PATJ: variants seen among roughly 807,000 people sequenced by gnomAD.
PATJ encodes inaD-like protein.
Under a neutral mutation model 224.9 loss-of-function variants are expected in PATJ, and 190 were observed. The observed-to-expected ratio is 0.84, with a 90% CI of 0.75 to 0.95. The LOEUF is 0.95. PATJ is among the 40% of genes least tolerant of loss of function. The pLI is 0.00. For missense variants in PATJ, 2,121 were observed against 2,270.3 expected (o/e 0.93, Z 1.34); for synonymous variants, 769 against 820.3 (o/e 0.94, Z 1.07).
At chr1:61,923,974 GC>G (rs1194802203) in intron 26 of PATJ, among the ~76,000 whole-genome samples, 1 of 150,748 alleles carries the variant, frequency 6.6e-6, no homozygotes, top group East Asian at 1.9e-4. Flanking sequence ...AAACTAATGA[GC>G]AGATCTTGAA....
intron 27 of PATJ, among the ~76,000 whole-genome samples, chr1:61,934,279 C>T (rs570001388): frequency 1.0e-3 from 155 of 152,216 alleles, no homozygotes; most frequent in African/African-American, 3.3e-3. Flanking sequence ...CCACCACGCC[C>T]GGCTAATTTT....
At chr1:62,034,727 T>G (rs1650033304) in intron 29 of PATJ, among the ~76,000 whole-genome samples, 2 of 152,312 alleles carry the variant, frequency 1.3e-5, no homozygotes, top group South Asian at 4.1e-4. Context: ...GCTTTCTTCT[T>G]TTCAGTGAGA....
At chr1:61,984,499 A>AT (rs1253181761) in intron 27 of PATJ, among the ~76,000 whole-genome samples, 1 of 151,796 alleles carries the variant, frequency 6.6e-6, no homozygotes, top group Non-Finnish European at 1.5e-5. Flanking sequence ...CAGGGTTGGG[A>AT]TTTTTTTGCT....
intron 20 of PATJ, among the ~76,000 whole-genome samples, chr1:61,873,835 G>A (rs1438214640): frequency 1.3e-5 from 2 of 152,228 alleles, no homozygotes; most frequent in African/African-American, 4.8e-5. Flanking sequence ...GGGGAATGGG[G>A]TGGAGCCACC....
At chr1:62,135,128 G>A (rs751107266) in intron 41 of PATJ, among the ~76,000 whole-genome samples, 48 of 152,196 alleles carry the variant, frequency 3.2e-4, no homozygotes, top group Non-Finnish European at 5.6e-4. Context: ...CTGGGATATG[G>A]CATGGACATC....
chr1:61,856,590 T>TTAC (rs1663703968), intron 18 of PATJ, among the ~76,000 whole-genome samples: 1 of 152,160 alleles, frequency 6.6e-6, no homozygotes, highest in Non-Finnish European at 1.5e-5. Context: ...GTGTAAATTA[T>TTAC]TATTATTATT....
chr1:61,795,608 T>A (rs777711487), intron 10 of PATJ, 50 bp downstream of exon 10: 2 of 1,104,190 alleles, frequency 1.8e-6, no homozygotes, highest in Admixed American at 3.6e-5. Flanking sequence ...AAAAAAAGGT[T>A]GATCATTATT....
intron 9 of PATJ, among the ~76,000 whole-genome samples, chr1:61,795,099 T>TAAA (rs78496504): frequency 8.4e-4 from 85 of 101,030 alleles, no homozygotes; most frequent in African/African-American, 1.3e-3. Context: ...ATAGTGATGG[T>TAAA]AAAAAAAAAA....
chr1:62,134,761 G>T (rs960633288), intron 41 of PATJ, among the ~76,000 whole-genome samples: 4 of 152,188 alleles, frequency 2.6e-5, no homozygotes, highest in African/African-American at 9.7e-5. Context: ...GGAGAAATCT[G>T]TGTCTGTGCC....
At chr1:61,862,831 G>C (rs896603194) in intron 19 of PATJ, among the ~76,000 whole-genome samples, 1 of 151,790 alleles carries the variant, frequency 6.6e-6, no homozygotes, top group Non-Finnish European at 1.5e-5. Flanking sequence ...GTATGGTTTT[G>C]CTTTACTTGA....
chr1:61,801,427 G>T (rs1652469616), intron 11 of PATJ, among the ~76,000 whole-genome samples, 196 bp from the exon 12 acceptor site: 1 of 152,024 alleles, frequency 6.6e-6, no homozygotes, highest in Non-Finnish European at 1.5e-5. Flanking sequence ...TTAAGGAATT[G>T]ATTGGTTGTC....
intron 28 of PATJ, among the ~76,000 whole-genome samples, chr1:62,007,055 G>A (rs1646136320): frequency 1.3e-5 from 2 of 152,148 alleles, no homozygotes; most frequent in Non-Finnish European, 2.9e-5. Context: ...TATTATAATT[G>A]TATGGGACCA....
chr1:61,796,666 CTT>C (rs1651189752), intron 10 of PATJ, among the ~76,000 whole-genome samples: 1 of 40,762 alleles, frequency 2.5e-5, no homozygotes, highest in Non-Finnish European at 5.8e-5. Flanking sequence ...TATTTTCTTT[CTT>C]TCTTTCTTTC....
chr1:62,051,629 C>T (rs961961722), intron 31 of PATJ, among the ~76,000 whole-genome samples: 2 of 151,978 alleles, frequency 1.3e-5, no homozygotes, highest in African/African-American at 4.8e-5. Flanking sequence ...GCCTGGCCTG[C>T]AATTTATCCT....
intron 33 of PATJ, among the ~76,000 whole-genome samples, chr1:62,101,620 G>C (rs985561970): frequency 6.6e-6 from 1 of 151,912 alleles, no homozygotes; most frequent in Admixed American, 6.6e-5. Context: ...ACTTCTTCCT[G>C]GTTGTCCATT....
chr1:61,790,076 C>T (rs771962046), intron 8 of PATJ, among the ~76,000 whole-genome samples: 10 of 151,374 alleles, frequency 6.6e-5, no homozygotes, highest in Non-Finnish European at 1.3e-4. Context: ...CAGTAGCTTA[C>T]GCCTGTAGTC....
chr1:61,839,593 T>C (rs1570813264), intron 17 of PATJ, among the ~76,000 whole-genome samples: 1 of 152,226 alleles, frequency 6.6e-6, no homozygotes, highest in South Asian at 2.1e-4. Context: ...AAATTAAACA[T>C]GGCAAGTAGA....
At chr1:62,039,618 G>C (rs1387871817) in intron 30 of PATJ, among the ~76,000 whole-genome samples, 1 of 152,220 alleles carries the variant, frequency 6.6e-6, no homozygotes, top group Non-Finnish European at 1.5e-5. Context: ...GAGTTACAGA[G>C]AAGGCTACTT....
chr1:61,844,632 T>C (rs1430961157), intron 17 of PATJ, among the ~76,000 whole-genome samples: 1 of 152,194 alleles, frequency 6.6e-6, no homozygotes, highest in African/African-American at 2.4e-5. Flanking sequence ...GTGCCTAATT[T>C]ATAAATTAAC....
Sources: allele counts gnomAD v4.1 joint callset (sites outside exome capture counted in the v4.1 genomes callset), GRCh38; gene constraint gnomAD v4.1.1; transcripts MANE v1.5; gene names NCBI Gene and HGNC (gene_info 2026-07-23, HGNC 2026-07-21).